GPC5: variants seen among roughly 807,000 people sequenced by gnomAD.
GPC5 encodes the protein glypican-5.
Under a neutral mutation model 53.9 loss-of-function variants are expected in GPC5, and 47 were observed. That is an observed-to-expected ratio of 0.87 (90% CI 0.69 to 1.11). The LOEUF is 1.11. Among genes scored for constraint, GPC5 ranks in the 50% most tolerant of loss-of-function variants. The pLI, the probability that GPC5 is intolerant of heterozygous loss-of-function variation, is 0.00. For synonymous variants in GPC5, 286 were observed against 263.3 expected, an observed-to-expected ratio of 1.09 and a Z score of -0.84; for missense variants, 748 against 713.1, an observed-to-expected ratio of 1.05 and a Z score of -0.56.
chr13:91,948,422 G>T (rs1471419587), intron 6 of GPC5, among the ~76,000 whole-genome samples: 3 of 151,958 alleles, frequency 2.0e-5, no homozygotes, highest in Non-Finnish European at 4.4e-5. Context: ...CATTGAATGT[G>T]TACTACTTTC....
chr13:92,827,308 T>C (rs1024647273), intron 7 of GPC5, among the ~76,000 whole-genome samples: 8 of 152,146 alleles, frequency 5.3e-5, no homozygotes, highest in African/African-American at 1.9e-4. Context: ...TAAAAGTATA[T>C]CCTTGTGGCT....
chr13:92,301,458 G>A (rs74107173), intron 7 of GPC5, among the ~76,000 whole-genome samples: 2 of 152,146 alleles, frequency 1.3e-5, no homozygotes, highest in Non-Finnish European at 2.9e-5. Context: ...AGAGAACTTA[G>A]GTTCTTGCAA....
intron 6 of GPC5, among the ~76,000 whole-genome samples, chr13:91,915,580 T>A (rs1854737): frequency 0.98 from 149,165 of 152,256 alleles, 73,087 homozygotes; most frequent in East Asian, 1. Flanking sequence ...TGAGCTGTTT[T>A]TCTGCCGGGT....
At chr13:91,924,758 A>T (rs2039750649) in intron 6 of GPC5, among the ~76,000 whole-genome samples, 1 of 152,020 alleles carries the variant, frequency 6.6e-6, no homozygotes, top group African/African-American at 2.4e-5. Flanking sequence ...ATAATCATAA[A>T]ATAAAATAGA....
chr13:91,861,845 T>C (rs1210893277), intron 5 of GPC5, among the ~76,000 whole-genome samples: 1 of 151,462 alleles, frequency 6.6e-6, no homozygotes, highest in Non-Finnish European at 1.5e-5. Flanking sequence ...TTTACTGAGT[T>C]ATTTGTCTTA....
intron 7 of GPC5, among the ~76,000 whole-genome samples, chr13:92,431,968 G>T (rs540551745): frequency 8.3e-4 from 127 of 152,300 alleles, no homozygotes; most frequent in African/African-American, 3.0e-3. Context: ...TACATACTTG[G>T]TGCAATGGAC....
chr13:92,086,960 AC>A lies in GPC5; in HGVS notation c.1402-57868del, dbSNP rs370201573. On this transcript the variant is annotated intron_variant, in intron 6 of 7. Transcript: ENST00000377067. ...AAGTGTGAGCCACCACACCCAGCCA[AC>A]CAAATATCTCTTAAGCACCTCAAGT... Among the ~76,000 whole-genome samples, 456 of 152,318 alleles carry A rather than the reference AC, an allele frequency of 3.0e-3. 4 individuals are homozygous for A. The highest frequency in any genetic ancestry group is 0.01 in the African/African-American group (424 of 41,576).
rs75596441 is a variant in GPC5, at chr13:92,845,688, T to A, written c.1562-20594T>A. On this transcript the variant is annotated intron_variant, in intron 7 of 7. Coordinates refer to ENST00000377067, the MANE Select transcript of GPC5 (RefSeq NM_004466.6). ...CTGGGTATCCCATGGCCCAGTAAAG[T>A]TGACACATGAAATTAACCATCACAC... is the stretch of plus-strand genomic sequence containing the variant. 7.4e-3 allele frequency among the ~76,000 whole-genome samples: 1,124 copies of A among 152,214 alleles called. 15 individuals carry two copies. The highest frequency in any genetic ancestry group is 0.026 in the African/African-American group (1,091 of 41,520).
At chr13:91,815,487 G>T (rs1409382345) in intron 5 of GPC5, among the ~76,000 whole-genome samples, 2 of 152,182 alleles carry the variant, frequency 1.3e-5, no homozygotes, top group Admixed American at 6.5e-5. Context: ...TTATAGCATT[G>T]TATCCACACA....
At chr13:92,095,460 GT>G (rs1274512291) in intron 6 of GPC5, among the ~76,000 whole-genome samples, 5 of 152,092 alleles carry the variant, frequency 3.3e-5, no homozygotes, top group Non-Finnish European at 7.4e-5. Context: ...CAATTCTCCT[GT>G]CTCAGCCTCC....
intron 2 of GPC5, among the ~76,000 whole-genome samples, chr13:91,648,189 T>C (rs1459495090): frequency 6.6e-6 from 1 of 152,228 alleles, no homozygotes; most frequent in Non-Finnish European, 1.5e-5. Flanking sequence ...CCTTTAGCCT[T>C]TTCATTCATT....
intron 5 of GPC5, among the ~76,000 whole-genome samples, chr13:91,902,988 T>C (rs142374358): frequency 1.7e-4 from 25 of 151,254 alleles, no homozygotes; most frequent in African/African-American, 5.8e-4. Flanking sequence ...TGAAAATACA[T>C]ACAAACAGTA....
At chr13:92,337,203 A>C (rs373559182) in intron 7 of GPC5, among the ~76,000 whole-genome samples, 237 of 40,550 alleles carry the variant, frequency 5.8e-3, no homozygotes, top group African/African-American at 0.028. Context: ...CCCCCCACCC[A>C]AAAAAAAAAA....
At chr13:91,898,260 A>G (rs1268344309) in intron 5 of GPC5, among the ~76,000 whole-genome samples, 1 of 152,210 alleles carries the variant, frequency 6.6e-6, no homozygotes, top group Non-Finnish European at 1.5e-5. Flanking sequence ...CTGTTGCTTA[A>G]AGACTTATAA....
intron 2 of GPC5, among the ~76,000 whole-genome samples, chr13:91,631,968 A>G (rs1390416958): frequency 6.6e-6 from 1 of 152,132 alleles, no homozygotes; most frequent in Non-Finnish European, 1.5e-5. Flanking sequence ...TACTGTAGAT[A>G]TTAGAAAATG....
intron 6 of GPC5, among the ~76,000 whole-genome samples, chr13:91,983,810 T>C (rs577451815): frequency 6.6e-6 from 1 of 152,294 alleles, no homozygotes; most frequent in South Asian, 2.1e-4. Flanking sequence ...ATATTCGTAA[T>C]TGGAATACAG....
intron 7 of GPC5, among the ~76,000 whole-genome samples, chr13:92,450,459 G>A (rs1327752098): frequency 1.3e-5 from 2 of 152,114 alleles, no homozygotes; most frequent in African/African-American, 4.8e-5. Context: ...CATGAGGTCA[G>A]GTGTGGAATT....
intron 7 of GPC5, among the ~76,000 whole-genome samples, chr13:92,221,876 A>G (rs1253625862): frequency 6.6e-6 from 1 of 151,852 alleles, no homozygotes; most frequent in African/African-American, 2.4e-5. Flanking sequence ...GAGAAAAATG[A>G]CAATATACAT....
At chr13:92,583,443 A>G (rs1415706523) in intron 7 of GPC5, among the ~76,000 whole-genome samples, 3 of 152,202 alleles carry the variant, frequency 2.0e-5, no homozygotes, top group African/African-American at 7.2e-5. Flanking sequence ...AAATAAATGT[A>G]ATTGGAGAAG....
Sources: gnomAD v4.1 joint callset for allele counts (sites outside exome capture counted in the v4.1 genomes callset) on GRCh38, gnomAD v4.1.1 for gene constraint, MANE v1.5 for transcripts, NCBI Gene and HGNC (gene_info 2026-07-23, HGNC 2026-07-21) for gene names.